CNTNAP5: variants seen among roughly 807,000 people sequenced by gnomAD.
CNTNAP5 encodes the protein contactin associated protein family member 5, also known as contactin-associated protein-like 5.
CNTNAP5 carries 72 observed loss-of-function variants against 150.2 expected under a neutral mutation model. That is an observed-to-expected ratio of 0.48 (90% confidence interval 0.40 to 0.58). The LOEUF (loss-of-function observed/expected upper bound fraction) is 0.58, where lower values mean the gene tolerates loss of function less well. CNTNAP5 is among the 20% of genes least tolerant of loss of function. CNTNAP5 has a pLI of 0.00. For missense variants in CNTNAP5, 1,636 were observed against 1,626.2 expected (o/e 1.01, Z -0.10); for synonymous variants, 672 against 619.8 (o/e 1.08, Z -1.25).
intron 3 of CNTNAP5, among the ~76,000 whole-genome samples, chr2:124,407,693 T>C (rs1248305727): frequency 6.6e-6 from 1 of 152,198 alleles, no homozygotes; most frequent in Non-Finnish European, 1.5e-5. Flanking sequence ...TTAGGCATTG[T>C]ATAGGATTAG....
At chr2:124,288,410 G>A (rs1307880868) in intron 3 of CNTNAP5, among the ~76,000 whole-genome samples, 1 of 152,192 alleles carries the variant, frequency 6.6e-6, no homozygotes, top group East Asian at 1.9e-4. Flanking sequence ...ATGGGGCACT[G>A]TGTTGAGACC....
chr2:124,370,006 A>C (rs1279387362), intron 3 of CNTNAP5, among the ~76,000 whole-genome samples: 1 of 152,188 alleles, frequency 6.6e-6, no homozygotes, highest in East Asian at 1.9e-4. Context: ...AGACAATGCA[A>C]TTACCACACA....
intron 1 of CNTNAP5, among the ~76,000 whole-genome samples, chr2:124,084,370 G>C (rs1304877445): frequency 6.6e-6 from 1 of 151,462 alleles, no homozygotes; most frequent in African/African-American, 2.4e-5. Context: ...GGGTTCCAGC[G>C]ATTCTCCTGC....
chr2:124,618,208 C>T lies in CNTNAP5; in HGVS notation c.1876+8288C>T, dbSNP rs548745211. ...CAACAGAATAGAAAAGGAGGAATGG[C>T]TTTATCATAGATAGCTCTTCAGCAT... On this transcript the variant is annotated intron_variant, in intron 12 of 23. Coordinates refer to ENST00000682447, the MANE Select transcript of CNTNAP5 (RefSeq NM_001367498.1). 2.6e-5 allele frequency among the ~76,000 whole-genome samples: 4 copies of T among 152,116 alleles called. No homozygotes were observed. The South Asian group carries it at 8.3e-4, about 32-fold the overall frequency.
At chr2:124,362,998 A>G (rs763080380) in intron 3 of CNTNAP5, among the ~76,000 whole-genome samples, 3 of 152,246 alleles carry the variant, frequency 2.0e-5, no homozygotes, top group Non-Finnish European at 2.9e-5. Flanking sequence ...ATACAGCAAA[A>G]AAGCATCAAT....
At chr2:124,726,632 C>A (rs1048379367) in intron 13 of CNTNAP5, among the ~76,000 whole-genome samples, 2 of 147,176 alleles carry the variant, frequency 1.4e-5, no homozygotes, top group Non-Finnish European at 3.0e-5. Flanking sequence ...GCCATTTGTA[C>A]GTCTTCTTCA....
intron 1 of CNTNAP5, among the ~76,000 whole-genome samples, chr2:124,211,831 C>T (rs934353405): frequency 1.3e-5 from 2 of 152,106 alleles, no homozygotes; most frequent in African/African-American, 4.8e-5. Flanking sequence ...TATGCCTAGA[C>T]CCATGCAAGA....
chr2:124,747,437 T>A (rs1017582018), intron 14 of CNTNAP5, 52 bp downstream of exon 14: 83 of 1,595,044 alleles, frequency 5.2e-5, no homozygotes, highest in Non-Finnish European at 6.6e-5. Context: ...CATTAATTGA[T>A]GCATAAAATT....
chr2:124,664,046 C>A (rs1678646868), intron 13 of CNTNAP5, among the ~76,000 whole-genome samples: 1 of 152,114 alleles, frequency 6.6e-6, no homozygotes, highest in Non-Finnish European at 1.5e-5. Context: ...CCTCTAGAGC[C>A]ATTTTAGTGA....
intron 19 of CNTNAP5, among the ~76,000 whole-genome samples, chr2:124,835,270 T>C (rs1682805547): frequency 6.6e-6 from 1 of 152,088 alleles, no homozygotes; most frequent in Non-Finnish European, 1.5e-5. Flanking sequence ...TTTAAAATTT[T>C]GCTACTTCCC....
intron 13 of CNTNAP5, among the ~76,000 whole-genome samples, chr2:124,699,496 G>T (rs1306307471): frequency 2.0e-5 from 3 of 152,168 alleles, no homozygotes; most frequent in Non-Finnish European, 4.4e-5. Flanking sequence ...CTTCAGCCTT[G>T]CTTCACTCAG....
In CNTNAP5 at chr2:124,417,504, G is replaced by A. The variant is rs142053498; in HGVS notation, c.443G>A (p.Arg148Lys). Reference protein sequence around the residue: ...VVHHKLLHSVRARFVRFVPLE... With the variant: ...VVHHKLLHSVKARFVRFVPLE... ...CACCACAAGCTATTGCACTCAGTGA[G>A]AGCCCGATTTGTTCGCTTTGTGCCC... The change falls in exon 4 of 24, where the codon AGA becomes AAA. Residue 148 changes from arginine (R) to lysine (K), a missense_variant. Arg to Lys is a conservative substitution (Grantham distance 26). Transcript: ENST00000682447. 6.2e-6 allele frequency: 10 copies of A among 1,613,886 alleles called. No individual in the cohort carries two copies. The East Asian group carries it at 1.6e-4, about 25-fold the overall frequency.
At chr2:124,178,495 T>A (rs76941158) in intron 1 of CNTNAP5, among the ~76,000 whole-genome samples, 11,303 of 152,278 alleles carry the variant, frequency 0.074, 592 homozygotes, top group Non-Finnish European at 0.11. Flanking sequence ...GGGAATTAAT[T>A]GGTAGTTCCT....
At chr2:124,734,201 G>A (rs1488243245) in intron 13 of CNTNAP5, among the ~76,000 whole-genome samples, 2 of 152,068 alleles carry the variant, frequency 1.3e-5, no homozygotes, top group Admixed American at 1.3e-4. Flanking sequence ...TCTGCTGAAG[G>A]GTGGTGGGAT....
chr2:124,765,814 C>A (rs530334551), intron 16 of CNTNAP5, among the ~76,000 whole-genome samples: 9 of 151,818 alleles, frequency 5.9e-5, no homozygotes, highest in Non-Finnish European at 1.3e-4. Context: ...AAATTATCCA[C>A]GTGTGGTGCC....
At chr2:124,373,822 G>A (rs770975764) in intron 3 of CNTNAP5, among the ~76,000 whole-genome samples, 3 of 151,960 alleles carry the variant, frequency 2.0e-5, no homozygotes, top group Admixed American at 1.3e-4. Flanking sequence ...TTGAAGAAAA[G>A]ACCTGATAAC....
At chr2:124,699,047 T>A (rs1368213489) in intron 13 of CNTNAP5, among the ~76,000 whole-genome samples, 1 of 152,176 alleles carries the variant, frequency 6.6e-6, no homozygotes, top group Non-Finnish European at 1.5e-5. Context: ...CGATTTAATA[T>A]TTAATTTTAT....
intron 2 of CNTNAP5, among the ~76,000 whole-genome samples, chr2:124,234,694 T>C (rs1303252157): frequency 6.6e-6 from 1 of 152,108 alleles, no homozygotes; most frequent in Non-Finnish European, 1.5e-5. Flanking sequence ...CCCTCACTTC[T>C]TTTATAACTT....
At chr2:124,445,055 C>A (rs926310341) in intron 5 of CNTNAP5, among the ~76,000 whole-genome samples, 47 of 151,834 alleles carry the variant, frequency 3.1e-4, no homozygotes, top group African/African-American at 1.1e-3. Context: ...GTCACTGTGA[C>A]CAGCTCAGGT....
Sources: allele counts gnomAD v4.1 joint callset (sites outside exome capture counted in the v4.1 genomes callset), GRCh38; gene constraint gnomAD v4.1.1; transcripts MANE v1.5; gene names NCBI Gene and HGNC (gene_info 2026-07-23, HGNC 2026-07-21).